MCF2L: variants seen among roughly 807,000 people sequenced by gnomAD.
MCF2L encodes the protein guanine nucleotide exchange factor DBS.
Under a neutral mutation model 153.4 loss-of-function variants are expected in MCF2L, and 97 were observed. The ratio of observed to expected loss-of-function variants is 0.63; its 90% confidence interval spans 0.54 to 0.75. The LOEUF (loss-of-function observed/expected upper bound fraction) is 0.75. Among genes scored for constraint, MCF2L ranks in the 30% least tolerant of loss-of-function variants. The probability of loss-of-function intolerance (pLI) is 0.00; values close to 1 mark genes in which losing one functional copy is unlikely to be tolerated. For synonymous variants in MCF2L, 659 were observed against 632.2 expected (o/e 1.04, Z -0.64); for missense variants, 1,347 against 1,495.2 (o/e 0.90, Z 1.64).
At chr13:112,895,907 C>T (rs1270001152) in intron 1 of MCF2L, among the ~76,000 whole-genome samples, 1 of 152,214 alleles carries the variant, frequency 6.6e-6, no homozygotes, top group Non-Finnish European at 1.5e-5. Context: ...GCCCAGGTGT[C>T]CGTGGCTCAA....
chr13:113,015,689 G>C (rs2084467428), intron 2 of MCF2L, among the ~76,000 whole-genome samples: 1 of 152,204 alleles, frequency 6.6e-6, no homozygotes, highest in African/African-American at 2.4e-5. Context: ...AGGTGCAGCT[G>C]GTGAGTTTTA....
Position 113,087,229 on chromosome 13 carries a change from A to C in MCF2L, c.2374-6A>C, listed in dbSNP as rs2034721792. ...CCTGAACACAGCCCTGCTGTCGCAC[A>C]TTTAGGGGAATCTCGGCGACCTGGG... On this transcript the variant is annotated splice_region_variant and splice_polypyrimidine_tract_variant and intron_variant, in intron 21 of 29. Coordinates refer to ENST00000535094, the MANE Select transcript of MCF2L (RefSeq NM_001112732.3). 1 of 1,610,098 alleles carries C rather than the reference A, an allele frequency of 6.2e-7. No individual in the cohort carries two copies. Among genetic ancestry groups the C allele is most frequent in the Admixed American group, 1.7e-5 (1 of 59,970 alleles).
At chr13:113,016,404 C>T (rs2084517397) in intron 2 of MCF2L, among the ~76,000 whole-genome samples, 1 of 152,168 alleles carries the variant, frequency 6.6e-6, no homozygotes, top group Admixed American at 6.5e-5. Context: ...CAGCTGGGGG[C>T]ACAGCTCTGC....
intron 1 of MCF2L, among the ~76,000 whole-genome samples, chr13:112,990,934 C>A (rs1044285934): frequency 2.0e-5 from 3 of 152,256 alleles, no homozygotes; most frequent in Non-Finnish European, 4.4e-5. Flanking sequence ...GCTGCCTCCT[C>A]CCCTGAGCCA....
intron 1 of MCF2L, among the ~76,000 whole-genome samples, chr13:112,973,862 G>C (rs1009947896): frequency 2.0e-5 from 3 of 152,160 alleles, no homozygotes; most frequent in South Asian, 2.1e-4. Flanking sequence ...TGCCTGCGAG[G>C]TGTGTTCCGA....
chr13:112,902,987 T>G (rs2081134556), intron 2 of MCF2L, among the ~76,000 whole-genome samples: 1 of 152,244 alleles, frequency 6.6e-6, no homozygotes, highest in Non-Finnish European at 1.5e-5. Context: ...TTTTCTAACC[T>G]GAGCAAGGGG....
intron 5 of MCF2L, 58 bp downstream of exon 5, chr13:113,060,770 C>A (rs1566823323): frequency 6.3e-7 from 1 of 1,593,902 alleles, no homozygotes; most frequent in Non-Finnish European, 8.5e-7. Flanking sequence ...GCCGTCCTGG[C>A]CCATCTGTGA....
intron 1 of MCF2L, among the ~76,000 whole-genome samples, chr13:112,992,605 G>A (rs1471730789): frequency 1.3e-5 from 2 of 152,242 alleles, no homozygotes; most frequent in Admixed American, 6.5e-5. Flanking sequence ...AGGAAGCTGA[G>A]TTTGAAGCAG....
At chr13:113,032,571 T>A (rs78684751) in intron 3 of MCF2L, among the ~76,000 whole-genome samples, 3,354 of 131,070 alleles carry the variant, frequency 0.026, 95 homozygotes, top group African/African-American at 0.081. Flanking sequence ...TTTTATATAT[T>A]TTTTTTTCAT....
intron 5 of MCF2L, among the ~76,000 whole-genome samples, chr13:113,061,407 G>A (rs547769475): frequency 1.3e-5 from 2 of 152,236 alleles, no homozygotes; most frequent in African/African-American, 2.4e-5. Context: ...CTGCCTTGGC[G>A]AGCTCACATC....
chr13:112,968,727 G>A (rs1352625433), upstream of MCF2L: 7 of 1,388,072 alleles, frequency 5.0e-6, no homozygotes, highest in East Asian at 1.8e-4. Context: ...AAAGGGAGGC[G>A]GCGGCCAGGC....
intron 23 of MCF2L, among the ~76,000 whole-genome samples, chr13:113,088,084 C>T (rs568077): frequency 6.6e-6 from 1 of 152,130 alleles, no homozygotes; most frequent in Non-Finnish European, 1.5e-5. Flanking sequence ...AGGGCCGATT[C>T]TCACGGTGGG....
chr13:113,089,437 C>T (rs532044310), intron 25 of MCF2L, among the ~76,000 whole-genome samples, 173 bp from the exon 26 acceptor site: 2 of 128,426 alleles, frequency 1.6e-5, no homozygotes, highest in South Asian at 5.2e-4. Flanking sequence ...GGAGGGTGGG[C>T]GTCTGCTCTC....
chr13:113,030,166 C>T (rs552267627), intron 3 of MCF2L, among the ~76,000 whole-genome samples: 1 of 152,298 alleles, frequency 6.6e-6, no homozygotes, highest in Admixed American at 6.5e-5. Context: ...GACGACTCAT[C>T]AGGGCGAAGG....
chr13:112,980,107 G>T (rs987006873), intron 1 of MCF2L, among the ~76,000 whole-genome samples: 1 of 152,242 alleles, frequency 6.6e-6, no homozygotes, highest in African/African-American at 2.4e-5. Context: ...CTGTGGGCAG[G>T]TGGGTGTCCT....
chr13:113,088,653 G>A (rs763993880), intron 25 of MCF2L, 25 bp downstream of exon 25: 4 of 1,598,632 alleles, frequency 2.5e-6, no homozygotes, highest in Admixed American at 3.4e-5. Flanking sequence ...GCTGCCGCAG[G>A]CCTGCGTTTC....
At chr13:112,945,685 C>G (rs2081629824) in intron 2 of MCF2L, among the ~76,000 whole-genome samples, 1 of 152,234 alleles carries the variant, frequency 6.6e-6, no homozygotes, top group Non-Finnish European at 1.5e-5. Flanking sequence ...ATGCCCTGGT[C>G]TGCGAAATGG....
Position 113,056,060 on chromosome 13 carries a change from T to G in MCF2L, c.370-4533T>G, listed in dbSNP as rs1402413387. On this transcript the variant is annotated intron_variant, in intron 4 of 29. Coordinates refer to ENST00000535094, the MANE Select transcript of MCF2L (RefSeq NM_001112732.3). ...CGTGGTCCCTGCCCTCCCCACGCAA[T>G]GCAGATGAAGCAGAGGTCTCCATGG... Among the ~76,000 whole-genome samples the G allele has an allele frequency of 2.0e-5, 3 of 152,150 alleles. No homozygotes were observed. In the East Asian group the frequency reaches 5.8e-4, roughly 29 times the overall value.
chr13:112,969,371 T>A lies in MCF2L; in HGVS notation c.-9T>A. On this transcript the variant is annotated 5_prime_UTR_variant, in exon 1 of 30. Coordinates refer to ENST00000535094, the MANE Select transcript of MCF2L (RefSeq NM_001112732.3). This position sits in a 1 kb window ranked among gnomAD's most constrained non-coding sequence, Gnocchi z 4.8. ...GGATCTGCCAGGATCATTTTTGTTGTGTCGGAGGATGAGGTTTTGGCTGAG... is the reference window on the plus strand; with the variant it reads ...GGATCTGCCAGGATCATTTTTGTTGAGTCGGAGGATGAGGTTTTGGCTGAG... 1 of 1,550,076 alleles carries A rather than the reference T, an allele frequency of 6.5e-7. No homozygotes were observed. Among genetic ancestry groups the A allele is most frequent in the Admixed American group, 2.0e-5 (1 of 50,994 alleles).
Sources: allele counts gnomAD v4.1 joint callset (sites outside exome capture counted in the v4.1 genomes callset), GRCh38; gene constraint gnomAD v4.1.1; non-coding constraint Gnocchi (gnomAD v3.1); transcripts MANE v1.5; gene names NCBI Gene and HGNC (gene_info 2026-07-23, HGNC 2026-07-21).